GREM2: variants seen among roughly 807,000 people sequenced by gnomAD.
The protein encoded by GREM2 is gremlin-2.
GREM2 carries 11 observed loss-of-function variants against 14.2 expected under a neutral mutation model. The ratio of observed to expected loss-of-function variants is 0.78; its 90% CI spans 0.49 to 1.28. The LOEUF is 1.28. Ranked by LOEUF, GREM2 falls within the 50% of genes most tolerant of loss-of-function variation. The pLI, the probability that GREM2 is intolerant of heterozygous loss-of-function variation, is 0.00. For synonymous variants in GREM2, 98 were observed against 97.6 expected (o/e 1.00, Z -0.02); for missense variants, 210 against 218.5 (o/e 0.96, Z 0.24).
At chr1:240,573,103 A>G (rs952869799) in intron 1 of GREM2, among the ~76,000 whole-genome samples, 2 of 152,242 alleles carry the variant, frequency 1.3e-5, no homozygotes, top group Admixed American at 6.5e-5. Context: ...AAGATAAATA[A>G]TACTAATAAA....
intron 1 of GREM2, chr1:240,530,354 C>A (rs924080497): frequency 1.3e-5 from 2 of 152,154 alleles, no homozygotes; most frequent in Non-Finnish European, 2.9e-5. Flanking sequence ...TATTTTGGAA[C>A]CTGCCAGACA....
At chr1:240,579,882 A>G (rs1221995020) in intron 1 of GREM2, among the ~76,000 whole-genome samples, 1 of 152,206 alleles carries the variant, frequency 6.6e-6, no homozygotes, top group Admixed American at 6.5e-5. Context: ...TGAAAGATAC[A>G]TAAGTAACTT....
At chr1:240,609,268 C>T (rs1680087843) in intron 1 of GREM2, among the ~76,000 whole-genome samples, 1 of 152,014 alleles carries the variant, frequency 6.6e-6, no homozygotes, top group South Asian at 2.1e-4. Flanking sequence ...TGCGCCAACA[C>T]CGTCTGGGTC....
chr1:240,558,151 C>G (rs996046855), intron 1 of GREM2, among the ~76,000 whole-genome samples: 9 of 152,028 alleles, frequency 5.9e-5, no homozygotes, highest in African/African-American at 2.2e-4. Context: ...GAGCTCAATT[C>G]TCATCTTCCA....
chr1:240,609,968 T>G (rs945252436), intron 1 of GREM2, among the ~76,000 whole-genome samples: 1 of 152,154 alleles, frequency 6.6e-6, no homozygotes, highest in African/African-American at 2.4e-5. Flanking sequence ...CCTCTCTCGG[T>G]GAAGAATGAT....
intron 1 of GREM2, among the ~76,000 whole-genome samples, chr1:240,524,847 G>A (rs969977749): frequency 4.6e-5 from 7 of 152,050 alleles, no homozygotes; most frequent in African/African-American, 9.7e-5. Flanking sequence ...CCTTTAGCAC[G>A]AGCCCAAAGT....
At chr1:240,580,700 G>C (rs554331358) in intron 1 of GREM2, among the ~76,000 whole-genome samples, 2 of 151,958 alleles carry the variant, frequency 1.3e-5, no homozygotes, top group Admixed American at 1.3e-4. Flanking sequence ...TCAGCCTCTC[G>C]AGTAGCCAAG....
intron 1 of GREM2, among the ~76,000 whole-genome samples, chr1:240,611,194 G>A (rs918382217): frequency 2.6e-5 from 4 of 151,982 alleles, no homozygotes; most frequent in Admixed American, 1.3e-4. Context: ...ACTTTTTAAT[G>A]TAGTAATATG....
intron 1 of GREM2, among the ~76,000 whole-genome samples, chr1:240,534,565 G>A (rs200894705): frequency 2.0e-5 from 3 of 152,070 alleles, no homozygotes; most frequent in East Asian, 3.9e-4. Flanking sequence ...GGTGGCGGGC[G>A]CCTGTAGTCC....
intron 1 of GREM2, among the ~76,000 whole-genome samples, chr1:240,556,350 A>C (rs953315655): frequency 2.6e-5 from 4 of 152,234 alleles, no homozygotes; most frequent in Non-Finnish European, 4.4e-5. Flanking sequence ...AGGCCTAATG[A>C]TACTGGCTTT....
At chr1:240,533,062 G>T (rs1678399803) in intron 1 of GREM2, among the ~76,000 whole-genome samples, 1 of 152,264 alleles carries the variant, frequency 6.6e-6, no homozygotes, top group Admixed American at 6.5e-5. Context: ...TACCCACAAA[G>T]AACTCAGCAT....
At chr1:240,507,584 T>C (rs893835293) in intron 1 of GREM2, among the ~76,000 whole-genome samples, 1 of 152,112 alleles carries the variant, frequency 6.6e-6, no homozygotes, top group Admixed American at 6.5e-5. Flanking sequence ...ACGCCCACCT[T>C]GGCCTCCCAA....
chr1:240,580,273 C>T (rs1200395941), intron 1 of GREM2, among the ~76,000 whole-genome samples: 1 of 151,954 alleles, frequency 6.6e-6, no homozygotes, highest in Non-Finnish European at 1.5e-5. Flanking sequence ...GCATGTTAAT[C>T]CTGAAGTATT....
chr1:240,534,692 C>CA (rs5782153), intron 1 of GREM2, among the ~76,000 whole-genome samples: 4,388 of 114,584 alleles, frequency 0.038, 133 homozygotes, highest in Non-Finnish European at 0.058. Context: ...GACTCCATCT[C>CA]AAAAAAAAAA....
chr1:240,516,127 CT>C (rs34728833), intron 1 of GREM2, among the ~76,000 whole-genome samples: 1,465 of 143,412 alleles, frequency 0.01, 18 homozygotes, highest in African/African-American at 0.029. Flanking sequence ...CCAACCCTGA[CT>C]TTTTTTTTTT....
intron 1 of GREM2, among the ~76,000 whole-genome samples, chr1:240,526,290 T>C (rs1678220382): frequency 6.6e-6 from 1 of 152,212 alleles, no homozygotes; most frequent in African/African-American, 2.4e-5. Flanking sequence ...TAGGAGTCTA[T>C]TTTATAATCA....
chr1:240,564,138 G>A (rs1015642816), intron 1 of GREM2, among the ~76,000 whole-genome samples: 5 of 152,178 alleles, frequency 3.3e-5, no homozygotes, highest in Non-Finnish European at 5.9e-5. Context: ...GACCCAGAAC[G>A]TGAAGGCTGC....
intron 1 of GREM2, among the ~76,000 whole-genome samples, chr1:240,593,639 C>A (rs745944181): frequency 6.6e-6 from 1 of 152,150 alleles, no homozygotes; most frequent in Non-Finnish European, 1.5e-5. Context: ...ATGTAAGTCA[C>A]CTTTGTGTGT....
chr1:240,603,872 AC>A (rs1254121838), intron 1 of GREM2, among the ~76,000 whole-genome samples: 1 of 151,638 alleles, frequency 6.6e-6, no homozygotes, highest in Non-Finnish European at 1.5e-5. Context: ...GTCCATTTGC[AC>A]TGCTATCATG....
Sources: allele counts gnomAD v4.1 joint callset (sites outside exome capture counted in the v4.1 genomes callset), GRCh38; gene constraint gnomAD v4.1.1; transcripts MANE v1.5; gene names NCBI Gene and HGNC (gene_info 2026-07-23, HGNC 2026-07-21).